Variants in KIAA1549 observed in about 807,000 individuals in gnomAD.
The protein encoded by KIAA1549 is KIAA1549.
KIAA1549 carries 70 observed loss-of-function variants against 156.4 expected under a neutral mutation model. The ratio of observed to expected loss-of-function variants is 0.45; its 90% CI spans 0.37 to 0.55. KIAA1549 has a LOEUF of 0.55. Ranked by LOEUF, KIAA1549 falls within the 20% of genes least tolerant of loss-of-function variation. KIAA1549 has a pLI of 0.00. For missense variants in KIAA1549, 2,428 were observed against 2,540.9 expected, an observed-to-expected ratio of 0.96 and a Z score of 0.96; for synonymous variants, 1,103 against 1,066.4, an observed-to-expected ratio of 1.03 and a Z score of -0.67.
At chr7:138,976,301 T>A (rs747150134) in intron 1 of KIAA1549, among the ~76,000 whole-genome samples, 2 of 152,158 alleles carry the variant, frequency 1.3e-5, no homozygotes, top group Non-Finnish European at 2.9e-5. Flanking sequence ...GGTCTCCAAC[T>A]CCTGACCTCA....
intron 10 of KIAA1549, among the ~76,000 whole-genome samples, chr7:138,884,827 G>C (rs1811344880): frequency 6.6e-6 from 1 of 152,200 alleles, no homozygotes; most frequent in Non-Finnish European, 1.5e-5. Flanking sequence ...CTCAGTTCAA[G>C]ATATCCCGCC....
intron 1 of KIAA1549, among the ~76,000 whole-genome samples, chr7:138,969,966 G>C (rs1814169854): frequency 6.6e-6 from 1 of 152,180 alleles, no homozygotes. Flanking sequence ...TATCCTTTGT[G>C]TTACAAACAA....
rs926934968 is a variant in KIAA1549 at position 138,903,437 on chromosome 7, T to C, written c.3669+151A>G. The C allele has an allele frequency of 6.1e-5, 46 of 759,384 alleles. No individual in the cohort carries two copies. In the East Asian group the frequency reaches 1.2e-3, roughly 19 times the overall value. 47.0% of individuals were successfully genotyped at this position (759,384 alleles called of 1,614,324 possible). ...CTGAAAAGCTGCCAGATTCAGTGGCTACCCAATATAGCGATCAGTGGAAAT... is the reference window on the plus strand; with the variant it reads ...CTGAAAAGCTGCCAGATTCAGTGGCCACCCAATATAGCGATCAGTGGAAAT... On this transcript the variant is annotated intron_variant, in intron 8 of 19. Transcript: ENST00000422774.
At chr7:138,928,335 G>A (rs1812781194) in intron 1 of KIAA1549, among the ~76,000 whole-genome samples, 1 of 151,676 alleles carries the variant, frequency 6.6e-6, no homozygotes, top group African/African-American at 2.4e-5. Context: ...TGCCCAGGCT[G>A]GAGTGCAGTG....
At chr7:138,941,265 T>C (rs751551018) in intron 1 of KIAA1549, among the ~76,000 whole-genome samples, 5 of 152,156 alleles carry the variant, frequency 3.3e-5, no homozygotes, top group African/African-American at 4.8e-5. Flanking sequence ...ACACAAATCA[T>C]TGACCCTGTG....
intron 1 of KIAA1549, among the ~76,000 whole-genome samples, chr7:138,936,366 T>A (rs975089056): frequency 1.3e-5 from 2 of 152,098 alleles, no homozygotes; most frequent in African/African-American, 4.8e-5. Flanking sequence ...GTAAGCCAGG[T>A]CCTGCCAGCA....
chr7:138,842,608 G>A (rs144141130), intron 18 of KIAA1549, among the ~76,000 whole-genome samples: 2,539 of 151,598 alleles, frequency 0.017, 25 homozygotes, highest in Non-Finnish European at 0.027. Flanking sequence ...CAGGAGAATC[G>A]CTTGAACACA....
chr7:138,894,236 T>C (rs1183035921), intron 10 of KIAA1549, 106 bp downstream of exon 10: 5 of 1,099,088 alleles, frequency 4.5e-6, no homozygotes, highest in African/African-American at 1.6e-5. Flanking sequence ...ATTTCCATAA[T>C]AGCCCTCCCT....
intron 9 of KIAA1549, among the ~76,000 whole-genome samples, chr7:138,896,845 C>T (rs1361201549): frequency 1.3e-5 from 2 of 152,094 alleles, no homozygotes; most frequent in African/African-American, 4.8e-5. Flanking sequence ...AACTGATCCT[C>T]CTGCCTCTAT....
At chr7:138,939,184 A>G (rs1813103002) in intron 1 of KIAA1549, among the ~76,000 whole-genome samples, 1 of 152,206 alleles carries the variant, frequency 6.6e-6, no homozygotes, top group African/African-American at 2.4e-5. Flanking sequence ...CATCTCTGAT[A>G]AGGACTTTAA....
At position 138,861,422 on chromosome 7, in the gene KIAA1549, G is replaced by A. The variant is rs745960934; in HGVS notation, c.4964C>T (p.Pro1655Leu). 1 of 1,612,354 alleles carries A rather than the reference G, an allele frequency of 6.2e-7. No individual in the cohort carries two copies. The highest frequency in any genetic ancestry group is 1.3e-5 in the African/African-American group (1 of 75,006). Residue 1655 changes from proline (P) to leucine (L), a missense_variant, in exon 16 of 20, where the codon CCA becomes CTA. Coordinates refer to ENST00000422774, the MANE Select transcript of KIAA1549 (RefSeq NM_001164665.2). ...DPDLPADVQTPSSVELGRYPA... is the reference protein window; with the variant it reads ...DPDLPADVQTLSSVELGRYPA... ...ATACCTCCCCAGTTCCACCGAGGAT[G>A]GTGTCTGCACATCGGCTGGGAGGTC...
At chr7:138,838,524 A>T (rs11980913) in intron 19 of KIAA1549, among the ~76,000 whole-genome samples, 19,546 of 152,034 alleles carry the variant, frequency 0.13, 3,914 homozygotes, top group African/African-American at 0.43. Context: ...TCTCTGCGTG[A>T]GTGTGTGTCT....
At chr7:138,953,999 G>T (rs1430084688) in intron 1 of KIAA1549, among the ~76,000 whole-genome samples, 2 of 152,140 alleles carry the variant, frequency 1.3e-5, no homozygotes, top group East Asian at 3.8e-4. Context: ...TAGTTTCAAT[G>T]AAATATTATG....
intron 10 of KIAA1549, 98 bp from the exon 11 acceptor site, chr7:138,881,682 C>G: frequency 1.0e-6 from 1 of 998,542 alleles, no homozygotes; most frequent in Non-Finnish European, 1.5e-6. Flanking sequence ...GGCAATTCCA[C>G]AACTCCAATC....
At chr7:138,911,426 A>T (rs1812168376) in intron 3 of KIAA1549, 103 bp from the exon 4 acceptor site, 2 of 840,356 alleles carry the variant, frequency 2.4e-6, no homozygotes, top group South Asian at 3.4e-5. Context: ...TTTTGAATGA[A>T]GGGGTAGTGC....
intron 1 of KIAA1549, among the ~76,000 whole-genome samples, chr7:138,919,794 G>T (rs1233986520): frequency 1.3e-5 from 2 of 152,110 alleles, no homozygotes; most frequent in African/African-American, 4.8e-5. Context: ...AAGGTTTCCA[G>T]AAGGTAAATA....
chr7:138,886,398 C>T (rs1291620070), intron 10 of KIAA1549, among the ~76,000 whole-genome samples: 2 of 152,096 alleles, frequency 1.3e-5, no homozygotes, highest in Non-Finnish European at 2.9e-5. Flanking sequence ...CCTGAGCCTC[C>T]CAAGGAGCTG....
Position 138,918,058 on chromosome 7 carries a change from G to C in KIAA1549, c.1568C>G (p.Pro523Arg). ...MSSVTTTQVP[P>R]AHGRLSVPAS... The stretch of plus-strand genomic sequence containing the variant: ...CGGCACAGAGAGGCGGCCGTGGGCA[G>C]GGGGAACCTGTGTGGTTGTAACACT... Residue 523 changes from proline to arginine, a missense_variant, in exon 2 of 20, where the codon CCT (proline) becomes CGT (arginine). Around this residue, in one of 5 missense-constraint regions of KIAA1549, gnomAD observed 893 missense variants for 847.9 expected, o/e 1.05. Transcript: ENST00000422774. This position sits in a 1 kb window ranked among gnomAD's most constrained non-coding sequence, Gnocchi z 4.2. The C allele has an allele frequency of 1.2e-6, 2 of 1,613,004 alleles. No homozygotes were observed. The highest frequency in any genetic ancestry group is 1.1e-5 in the South Asian group (1 of 90,782).
rs550528352 is a variant in KIAA1549 at position 138,836,008 on chromosome 7, T to G, written c.*1898A>C. The G allele has an allele frequency of 4.7e-6, 1 of 212,202 alleles. No homozygotes were observed. Among genetic ancestry groups the G allele is most frequent in the South Asian group, 1.9e-4 (1 of 5,330 alleles). The allele number at this position is 212,202 out of a possible 1,614,324, so 13.1% of individuals were successfully genotyped here. ...CTCTAAATCTGTACAACAGGCTTCA[T>G]TAATGAAGGGCTAAAACATGGTTTT... On this transcript the variant is annotated 3_prime_UTR_variant, in exon 20 of 20. Transcript: ENST00000422774.
Sources: gnomAD v4.1 joint callset for allele counts (sites outside exome capture counted in the v4.1 genomes callset) on GRCh38, gnomAD v4.1.1 for gene constraint, gnomAD v4.1.1 regional missense constraint, Gnocchi (gnomAD v3.1) non-coding constraint, MANE v1.5 for transcripts, NCBI Gene and HGNC (gene_info 2026-07-23, HGNC 2026-07-21) for gene names.